Variants in LRRC72 observed in about 807,000 individuals in gnomAD.
LRRC72 encodes leucine-rich repeat-containing protein 72.
In LRRC72, 41 loss-of-function variants were observed where a neutral mutation model predicts 35.8. The ratio of observed to expected loss-of-function variants is 1.15; its 90% CI spans 0.89 to 1.49. The LOEUF (loss-of-function observed/expected upper bound fraction) is 1.49, where lower values mean the gene tolerates loss of function less well. LRRC72 is among the 40% of genes most tolerant of loss of function. LRRC72 has a pLI of 0.00. For missense variants in LRRC72, 389 were observed against 330.7 expected, an observed-to-expected ratio of 1.18 and a Z score of -1.37; for synonymous variants, 118 against 119.2, an observed-to-expected ratio of 0.99 and a Z score of 0.07.
In LRRC72 at chr7:16,558,482, C is replaced by T. The variant is rs141926105; in HGVS notation, c.317-407C>T. 6.6e-3 allele frequency among the ~76,000 whole-genome samples: 1,008 copies of T among 152,030 alleles called. 6 individuals are homozygous for T. Among genetic ancestry groups the T allele is most frequent in the Non-Finnish European group, 8.9e-3 (602 of 67,966 alleles). On this transcript the variant is annotated intron_variant, in intron 4 of 8. Coordinates refer to ENST00000401542, the MANE Select transcript of LRRC72 (RefSeq NM_001195280.2). ...AAAATGAGCTGGGCATGGTGGTGGA[C>T]GCCTGTAATCTCAGCTACGTGGGAG...
intron 3 of LRRC72, among the ~76,000 whole-genome samples, chr7:16,543,703 C>T (rs1782398395): frequency 1.3e-5 from 2 of 152,184 alleles, no homozygotes; most frequent in South Asian, 4.1e-4. Context: ...GGCACATTTG[C>T]TGGGAGGTTC....
intron 3 of LRRC72, among the ~76,000 whole-genome samples, chr7:16,551,974 T>G (rs1191280881): frequency 6.6e-6 from 1 of 152,158 alleles, no homozygotes; most frequent in Non-Finnish European, 1.5e-5. Context: ...CTGTGAGATC[T>G]GATGCGATTT....
intron 3 of LRRC72, among the ~76,000 whole-genome samples, chr7:16,545,045 C>A (rs899525386): frequency 2.6e-5 from 4 of 152,182 alleles, no homozygotes; most frequent in African/African-American, 9.7e-5. Context: ...AACATTAGGA[C>A]AAATACCTAA....
intron 2 of LRRC72, among the ~76,000 whole-genome samples, chr7:16,533,828 G>A (rs980419099): frequency 5.9e-5 from 9 of 152,082 alleles, no homozygotes; most frequent in African/African-American, 1.7e-4. Flanking sequence ...CACATTTAAG[G>A]TCATGCTTTG....
intron 3 of LRRC72, among the ~76,000 whole-genome samples, chr7:16,549,539 C>A (rs1228358174): frequency 1.3e-5 from 2 of 152,166 alleles, no homozygotes; most frequent in African/African-American, 4.8e-5. Flanking sequence ...TCACCACTAC[C>A]ACCATTTCCA....
chr7:16,547,152 C>T (rs527304553), intron 3 of LRRC72, among the ~76,000 whole-genome samples: 2 of 152,276 alleles, frequency 1.3e-5, no homozygotes, highest in East Asian at 3.9e-4. Context: ...CCTGTGATTA[C>T]CCAGCTGAAG....
chr7:16,565,898 C>T (rs776818834), intron 5 of LRRC72, among the ~76,000 whole-genome samples: 3 of 152,152 alleles, frequency 2.0e-5, no homozygotes, highest in Non-Finnish European at 2.9e-5. Context: ...CACACATGCA[C>T]CCTTGTGAAC....
chr7:16,579,612 C>T (rs540082040), intron 7 of LRRC72, among the ~76,000 whole-genome samples: 117 of 152,118 alleles, frequency 7.7e-4, no homozygotes, highest in Non-Finnish European at 7.1e-4. Flanking sequence ...TTGTTTATTC[C>T]GTTTCTTTAA....
intron 2 of LRRC72, among the ~76,000 whole-genome samples, chr7:16,534,834 C>T (rs996516030): frequency 6.6e-6 from 1 of 152,130 alleles, no homozygotes; most frequent in African/African-American, 2.4e-5. Context: ...AGTACTCTTT[C>T]CCTGAAATAA....
At chr7:16,560,269 G>A (rs1033653660) in intron 5 of LRRC72, among the ~76,000 whole-genome samples, 1 of 152,112 alleles carries the variant, frequency 6.6e-6, no homozygotes, top group African/African-American at 2.4e-5. Context: ...TTGTAAGCTA[G>A]TATTGATGGT....
In LRRC72 at chr7:16,537,610, T is replaced by G; in HGVS notation, c.165-17T>G. 1.4e-6 allele frequency: 2 copies of G among 1,462,626 alleles called. No homozygotes were observed. The highest frequency in any genetic ancestry group is 1.8e-6 in the Non-Finnish European group (2 of 1,085,484). 90.6% of individuals were successfully genotyped at this position (1,462,626 alleles called of 1,614,324 possible). A position where few individuals can be genotyped will look rare whatever the true frequency, so the allele number is the denominator to read the frequency against. Reference sequence around the variant, plus strand: ...AACTAATTGTTGCTAATGTTCACATTTTTTTTTTCTTTCCAGGGAACTGAC... The same window carrying G: ...AACTAATTGTTGCTAATGTTCACATGTTTTTTTTCTTTCCAGGGAACTGAC... On this transcript the variant is annotated splice_polypyrimidine_tract_variant and intron_variant, in intron 2 of 8. Transcript: ENST00000401542.
chr7:16,533,496 T>G (rs139888871), intron 2 of LRRC72, among the ~76,000 whole-genome samples: 2 of 152,308 alleles, frequency 1.3e-5, no homozygotes, highest in African/African-American at 4.8e-5. Flanking sequence ...TGCTTTTTAA[T>G]GCCTCTGAAT....
At chr7:16,566,216 T>A (rs1019265152) in intron 5 of LRRC72, 97 bp from the exon 6 acceptor site, 4 of 683,536 alleles carry the variant, frequency 5.9e-6, no homozygotes, top group Non-Finnish European at 9.0e-6. Context: ...CAAGTTCTTA[T>A]GTTTTATACG....
At chr7:16,577,889 G>T (rs917891965) in intron 7 of LRRC72, among the ~76,000 whole-genome samples, 6 of 152,172 alleles carry the variant, frequency 3.9e-5, no homozygotes, top group African/African-American at 1.4e-4. Context: ...TTAAAGATGA[G>T]GGGGGAACGA....
Position 16,581,309 on chromosome 7 carries a change from G to A in LRRC72, c.699-15G>A, listed in dbSNP as rs1248250839. ...TGATTGCTTTTTTTCTGACATAATT[G>A]CTTTTTTTTTGCAGAACTGTGCTTG... On this transcript the variant is annotated splice_polypyrimidine_tract_variant and intron_variant, in intron 8 of 8. Coordinates refer to ENST00000401542, the MANE Select transcript of LRRC72 (RefSeq NM_001195280.2). 5 of 1,419,258 alleles carry A rather than the reference G, an allele frequency of 3.5e-6. No homozygotes were observed. Among genetic ancestry groups the A allele is most frequent in the Non-Finnish European group, 4.6e-6 (5 of 1,078,764 alleles). 87.9% of individuals were successfully genotyped at this position (1,419,258 alleles called of 1,614,324 possible). A position where few individuals can be genotyped will look rare whatever the true frequency, so the allele number is the denominator to read the frequency against.
chr7:16,580,699 T>C (rs922874267), intron 8 of LRRC72, among the ~76,000 whole-genome samples: 1 of 151,992 alleles, frequency 6.6e-6, no homozygotes. Flanking sequence ...GAAAGTGGGG[T>C]TTTATATTCC....
At chr7:16,556,252 C>T (rs748370158) in intron 3 of LRRC72, among the ~76,000 whole-genome samples, 24 of 152,042 alleles carry the variant, frequency 1.6e-4, no homozygotes, top group Non-Finnish European at 2.9e-4. Flanking sequence ...AAGTAAGATG[C>T]GACTTCTTCA....
chr7:16,573,155 A>G (rs1466746291), intron 7 of LRRC72, among the ~76,000 whole-genome samples: 2 of 152,242 alleles, frequency 1.3e-5, no homozygotes, highest in African/African-American at 4.8e-5. Context: ...ATAAGAGAAG[A>G]CACAAACAAA....
chr7:16,579,981 C>G (rs535406050), intron 7 of LRRC72, 93 bp from the exon 8 acceptor site: 1 of 275,336 alleles, frequency 3.6e-6, no homozygotes, highest in South Asian at 3.4e-5. Flanking sequence ...GAAAGCCCTG[C>G]TTTATACTTT....
Sources: allele counts gnomAD v4.1 joint callset (sites outside exome capture counted in the v4.1 genomes callset), GRCh38; gene constraint gnomAD v4.1.1; transcripts MANE v1.5; gene names NCBI Gene and HGNC (gene_info 2026-07-23, HGNC 2026-07-21).